C5orf15: variants seen among roughly 807,000 people sequenced by gnomAD.
C5orf15 encodes chromosome 5 open reading frame 15.
Under a neutral mutation model 17.8 loss-of-function variants are expected in C5orf15, and 10 were observed. That is an observed-to-expected ratio of 0.56 (90% CI 0.35 to 0.95). The LOEUF is 0.95. Among genes scored for constraint, C5orf15 ranks in the 40% least tolerant of loss-of-function variants. The pLI is 0.02. For synonymous variants in C5orf15, 124 were observed against 131.0 expected (o/e 0.95, Z 0.36); for missense variants, 319 against 331.7 (o/e 0.96, Z 0.30).
chr5:133,960,163 T>C, intron 1 of C5orf15, 143 bp from the exon 2 acceptor site: 1 of 647,046 alleles, frequency 1.5e-6, no homozygotes, highest in Non-Finnish European at 2.6e-6. Context: ...TAAGTCTCAA[T>C]AGCCAGCATT....
At chr5:133,968,297 G>T in intron 1 of C5orf15, 149 bp downstream of exon 1, 1 of 1,071,430 alleles carries the variant, frequency 9.3e-7, no homozygotes, top group Non-Finnish European at 1.3e-6. Flanking sequence ...CATACCCTCC[G>T]TCCTCAGGCC....
Position 133,961,232 on chromosome 5 carries a change from TAAAAAAAAAAAA to T in C5orf15, c.140-1224_140-1213del, listed in dbSNP as rs56684565. 5.4e-3 allele frequency among the ~76,000 whole-genome samples: 165 copies of T among 30,442 alleles called. 1 individual carries two copies. The highest frequency in any genetic ancestry group is 0.023 in the Admixed American group (48 of 2,052). The allele number at this position is 30,442 out of a possible 152,430, so 20.0% of individuals were successfully genotyped here. ...TCAGAAAAATAATGTAGTCAGTTAG[TAAAAAAAAAAAA>T]AAAAAAAAAAAAAAAAAAAGGCCAG... On this transcript the variant is annotated intron_variant, in intron 1 of 2. Coordinates refer to ENST00000231512, the MANE Select transcript of C5orf15 (RefSeq NM_020199.3).
At chr5:133,966,020 T>A (rs1212125597) in intron 1 of C5orf15, among the ~76,000 whole-genome samples, 1 of 152,002 alleles carries the variant, frequency 6.6e-6, no homozygotes, top group Non-Finnish European at 1.5e-5. Context: ...GTCAGGAGAT[T>A]GAGACCATCC....
intron 2 of C5orf15, among the ~76,000 whole-genome samples, chr5:133,959,286 C>T (rs1752082936): frequency 6.6e-6 from 1 of 151,114 alleles, no homozygotes; most frequent in South Asian, 2.1e-4. Flanking sequence ...CCCACCAACT[C>T]GACAGGCTGA....
chr5:133,961,086 C>CA (rs1484340736), intron 1 of C5orf15, among the ~76,000 whole-genome samples: 1 of 151,728 alleles, frequency 6.6e-6, no homozygotes, highest in Non-Finnish European at 1.5e-5. Flanking sequence ...CACAAGTTAA[C>CA]AATCCAACAG....
At chr5:133,966,438 G>C (rs1199245153) in intron 1 of C5orf15, among the ~76,000 whole-genome samples, 1 of 152,070 alleles carries the variant, frequency 6.6e-6, no homozygotes, top group Non-Finnish European at 1.5e-5. Context: ...CAAATGTAGA[G>C]AACCAGGCAT....
Position 133,959,792 on chromosome 5 carries a change from C to A in C5orf15, c.368G>T (p.Ser123Ile), listed in dbSNP as rs1336385695. The change falls in exon 2 of 3, where the codon AGT becomes ATT. Residue 123 changes from serine to isoleucine, a missense_variant. Transcript: ENST00000231512. ...CATGAGAAGATCCTCCTCCTCTATA[C>A]TAGGATCTTCATTGTTATCAGCTTC... ...QEEADNNEDP[S>I]IEEEDLLMLN... is the part of the protein sequence containing the mutation. 9 of 1,613,976 alleles carry A rather than the reference C, an allele frequency of 5.6e-6. No individual in the cohort carries two copies. The highest frequency in any genetic ancestry group is 7.6e-6 in the Non-Finnish European group (9 of 1,180,004).
chr5:133,959,427 A>G, intron 2 of C5orf15, 67 bp downstream of exon 2: 2 of 675,402 alleles, frequency 3.0e-6, no homozygotes, highest in Non-Finnish European at 4.3e-6. Context: ...AAAAAAAAAA[A>G]AGAACCATGA....
rs1365144295 is a variant in C5orf15 at position 133,955,838 on chromosome 5, G to A, written c.*1021C>T. 6.6e-6 allele frequency: 1 copy of A among 152,144 alleles called. No homozygotes were observed. The highest frequency in any genetic ancestry group is 1.5e-5 in the Non-Finnish European group (1 of 68,002). 9.4% of individuals were successfully genotyped at this position (152,144 alleles called of 1,614,324 possible). A position where few individuals can be genotyped will look rare whatever the true frequency, so the allele number is the denominator to read the frequency against. On this transcript the variant is annotated 3_prime_UTR_variant, in exon 3 of 3. Coordinates refer to ENST00000231512, the MANE Select transcript of C5orf15 (RefSeq NM_020199.3). ...ATTGATCAATTCTTTATGATAGAAA[G>A]ACAGACATAAATGAATCCCATAGTA...
chr5:133,963,693 T>C (rs1322785510), intron 1 of C5orf15, among the ~76,000 whole-genome samples: 1 of 151,292 alleles, frequency 6.6e-6, no homozygotes, highest in Non-Finnish European at 1.5e-5. Flanking sequence ...CCTAAATACA[T>C]CAATTAAAAA....
rs1410920045 is a variant in C5orf15, at chr5:133,966,270, A to T, written c.139+2176T>A. The stretch of plus-strand genomic sequence containing the variant: ...TCTCCCCTTCTACTGGTCCCTTTTT[A>T]AAAACTGCCCTAAAATAAAACTATA... On this transcript the variant is annotated intron_variant, in intron 1 of 2. Transcript: ENST00000231512. 2.0e-5 allele frequency among the ~76,000 whole-genome samples: 3 copies of T among 152,276 alleles called. No individual in the cohort carries two copies. The East Asian group carries it at 5.8e-4, about 29-fold the overall frequency.
intron 1 of C5orf15, among the ~76,000 whole-genome samples, chr5:133,966,164 T>A (rs1035322893): frequency 7.3e-5 from 11 of 151,710 alleles, no homozygotes; most frequent in African/African-American, 2.4e-4. Context: ...GAGGTTGCAA[T>A]GAGCCGAGAT....
intron 1 of C5orf15, among the ~76,000 whole-genome samples, chr5:133,966,610 T>G (rs975489616): frequency 6.6e-6 from 1 of 152,206 alleles, no homozygotes; most frequent in Non-Finnish European, 1.5e-5. Context: ...TGGAACAAAT[T>G]TAAATAAATC....
chr5:133,966,996 C>T (rs999899029), intron 1 of C5orf15, among the ~76,000 whole-genome samples: 5 of 152,242 alleles, frequency 3.3e-5, no homozygotes, highest in Admixed American at 3.3e-4. Flanking sequence ...TTCTGCCTCA[C>T]TTCTTGCCCA....
intron 2 of C5orf15, among the ~76,000 whole-genome samples, chr5:133,958,219 A>T (rs1169631935): frequency 6.6e-6 from 1 of 152,076 alleles, no homozygotes; most frequent in Non-Finnish European, 1.5e-5. Context: ...TGTCTCAAAA[A>T]AAAATAATGT....
chr5:133,961,002 C>T (rs1355143910), intron 1 of C5orf15, among the ~76,000 whole-genome samples: 1 of 151,194 alleles, frequency 6.6e-6, no homozygotes, highest in Non-Finnish European at 1.5e-5. Context: ...AAGTCTATCA[C>T]ATTAAAGTAA....
chr5:133,968,438 C>T lies in C5orf15; in HGVS notation c.139+8G>A. 2 of 1,603,120 alleles carry T rather than the reference C, an allele frequency of 1.2e-6. No individual in the cohort carries two copies. Among genetic ancestry groups the T allele is most frequent in the Non-Finnish European group, 1.7e-6 (2 of 1,175,436 alleles). ...CCTTCCTAAGCCCACACTGCCGCCC[C>T]CCTTTACCACTGGATAGAGCGGCGG... On this transcript the variant is annotated splice_region_variant and intron_variant, in intron 1 of 2. Coordinates refer to ENST00000231512, the MANE Select transcript of C5orf15 (RefSeq NM_020199.3).
At chr5:133,963,715 C>A (rs1295043033) in intron 1 of C5orf15, among the ~76,000 whole-genome samples, 1 of 152,190 alleles carries the variant, frequency 6.6e-6, no homozygotes, top group Non-Finnish European at 1.5e-5. Context: ...CAGAGACTGG[C>A]AGACTCAACT....
rs1466798858 is a variant in C5orf15, at chr5:133,959,638, A to T, written c.522T>A (p.Gly174=). The change falls in exon 2 of 3, where the codon GGT becomes GGA. Residue 174 remains glycine (G), a synonymous_variant. Coordinates refer to ENST00000231512, the MANE Select transcript of C5orf15 (RefSeq NM_020199.3). ...TCACTGACTGTTCAATTTCCATGTA[A>T]CCCCTGTTTTCTTCCAAGGTGTCAT... The part of the protein sequence containing the change: ...ESDDTLEENR[G]YMEIEQSVKS... 6.2e-7 allele frequency: 1 copy of T among 1,613,360 alleles called. No homozygotes were observed. Among genetic ancestry groups the T allele is most frequent in the African/African-American group, 1.3e-5 (1 of 74,814 alleles).
Sources: gnomAD v4.1 joint callset for allele counts (sites outside exome capture counted in the v4.1 genomes callset) on GRCh38, gnomAD v4.1.1 for gene constraint, MANE v1.5 for transcripts, NCBI Gene and HGNC (gene_info 2026-07-23, HGNC 2026-07-21) for gene names.